The following IGDCC4 variants were observed in gnomAD, a reference collection of about 807,000 sequenced individuals.
The protein encoded by IGDCC4 is immunoglobulin superfamily DCC subclass member 4.
In IGDCC4, 72 loss-of-function variants were observed where a neutral mutation model predicts 116.6. The observed-to-expected ratio is 0.62, with a 90% CI of 0.51 to 0.75. The LOEUF is 0.75. Among genes scored for constraint, IGDCC4 ranks in the 30% least tolerant of loss-of-function variants. IGDCC4 has a pLI of 0.00. For missense variants in IGDCC4, 1,501 were observed against 1,662.4 expected, an observed-to-expected ratio of 0.90 and a Z score of 1.69; for synonymous variants, 709 against 719.9, an observed-to-expected ratio of 0.98 and a Z score of 0.24.
chr15:65,392,289 G>A lies in IGDCC4; in HGVS notation c.1967C>T (p.Thr656Ile), dbSNP rs772941722. ...VVSWQPPPHP[T>I]QISGYKLYWR... ...ATATAGTTTGTAGCCAGAGATCTGG[G>A]TGGGGTGAGGGGGTGGCTGCCATGA... The change falls in exon 11 of 20, where the codon ACC becomes ATC. Residue 656 changes from threonine (T) to isoleucine (I), a missense_variant. Coordinates refer to ENST00000352385, the MANE Select transcript of IGDCC4 (RefSeq NM_020962.3). The A allele has an allele frequency of 3.1e-6, 5 of 1,603,126 alleles. No homozygotes were observed. The highest frequency in any genetic ancestry group is 2.6e-6 in the Non-Finnish European group (3 of 1,172,956).
At chr15:65,386,401 C>A in intron 17 of IGDCC4, 150 bp downstream of exon 17, 1 of 728,934 alleles carries the variant, frequency 1.4e-6, no homozygotes, top group Non-Finnish European at 2.4e-6. Context: ...AGGAGGACAT[C>A]ATCCCTGATT....
In IGDCC4 at chr15:65,383,959, T is replaced by C. The variant is rs778812412; in HGVS notation, c.*50A>G. 2.6e-5 allele frequency: 38 copies of C among 1,477,466 alleles called. No individual in the cohort carries two copies. Among genetic ancestry groups the C allele is most frequent in the Non-Finnish European group, 3.4e-5 (37 of 1,100,610 alleles). The allele number at this position is 1,477,466 out of a possible 1,614,324, so 91.5% of individuals were successfully genotyped here. A position where few individuals can be genotyped will look rare whatever the true frequency, so the allele number is the denominator to read the frequency against. On this transcript the variant is annotated 3_prime_UTR_variant, in exon 20 of 20. Coordinates refer to ENST00000352385, the MANE Select transcript of IGDCC4 (RefSeq NM_020962.3). ...GACATACACGGCCACAGGTATCGCA[T>C]CCTATGTGATCCATACCTGCCTGCC...
chr15:65,398,821 C>T (rs542813347), intron 5 of IGDCC4, among the ~76,000 whole-genome samples: 5 of 152,170 alleles, frequency 3.3e-5, no homozygotes, highest in African/African-American at 9.6e-5. Context: ...AACCGGGAGG[C>T]GGAAGTTGCA....
rs1228687568 is a variant in IGDCC4 at position 65,384,867 on chromosome 15, A to C, written c.3342+87T>G. ...TCTATCCCCAGGAAAGTTACCACCC[A>C]GGGGTCTCCAGAGAACTCATTACTT... On this transcript the variant is annotated intron_variant, in intron 19 of 19. Coordinates refer to ENST00000352385, the MANE Select transcript of IGDCC4 (RefSeq NM_020962.3). This position sits in a 1 kb window ranked among gnomAD's most constrained non-coding sequence, Gnocchi z 4.9. The C allele has an allele frequency of 2.1e-5, 32 of 1,490,284 alleles. No individual in the cohort carries two copies. Among genetic ancestry groups the C allele is most frequent in the Admixed American group, 4.3e-5 (2 of 46,512 alleles). 92.3% of individuals were successfully genotyped at this position (1,490,284 alleles called of 1,614,324 possible). A position where few individuals can be genotyped will look rare whatever the true frequency, so the allele number is the denominator to read the frequency against.
chr15:65,421,817 G>T (rs922881104), intron 1 of IGDCC4, among the ~76,000 whole-genome samples: 5 of 151,684 alleles, frequency 3.3e-5, no homozygotes, highest in African/African-American at 4.8e-5. Flanking sequence ...CCCATGAGCC[G>T]CCCCCAAACG....
At chr15:65,386,201 A>G (rs2091456981) in intron 17 of IGDCC4, 142 bp from the exon 18 acceptor site, 2 of 627,706 alleles carry the variant, frequency 3.2e-6, no homozygotes, top group Non-Finnish European at 5.6e-6. Context: ...TGAGTAAGAA[A>G]AACTGCTATT....
chr15:65,410,902 G>C lies in IGDCC4; in HGVS notation c.421+118C>G, dbSNP rs988371523. The C allele has an allele frequency of 1.2e-5, 9 of 751,716 alleles. No individual in the cohort carries two copies. The African/African-American group carries it at 1.4e-4, about 12-fold the overall frequency. 46.6% of individuals were successfully genotyped at this position (751,716 alleles called of 1,614,324 possible). A position where few individuals can be genotyped will look rare whatever the true frequency, so the allele number is the denominator to read the frequency against. On this transcript the variant is annotated intron_variant, in intron 2 of 19. Coordinates refer to ENST00000352385, the MANE Select transcript of IGDCC4 (RefSeq NM_020962.3). The stretch of plus-strand genomic sequence containing the variant: ...CCTATTGAGCAGGATGGGAGGCAGG[G>C]AAAGGGGGAGTGGGATCAAGAGAGA...
In IGDCC4 at chr15:65,384,017, A is replaced by G; in HGVS notation, c.3745T>C (p.Ser1249Pro). ...PGLPRSPVSS[S>P]A Reference sequence around the variant, plus strand: ...ACATCCTCTGGGAAGAGCTAGGCAGAGGAGGAGACCGGGGATCTGGGCAGG... The same window carrying G: ...ACATCCTCTGGGAAGAGCTAGGCAGGGGAGGAGACCGGGGATCTGGGCAGG... Residue 1249 changes from serine (S) to proline (P), a missense_variant, in exon 20 of 20, where the codon TCT (serine) becomes CCT (proline). Transcript: ENST00000352385. This position sits in a 1 kb window ranked among gnomAD's most constrained non-coding sequence, Gnocchi z 4.9. 1 of 1,589,486 alleles carries G rather than the reference A, an allele frequency of 6.3e-7. No homozygotes were observed. Among genetic ancestry groups the G allele is most frequent in the South Asian group, 1.1e-5 (1 of 88,944 alleles).
intron 1 of IGDCC4, among the ~76,000 whole-genome samples, chr15:65,417,201 C>G (rs2063152730): frequency 6.6e-6 from 1 of 152,144 alleles, no homozygotes; most frequent in African/African-American, 2.4e-5. Context: ...TTCCAGAAAC[C>G]TTCCTTCCTG....
At chr15:65,401,873 C>T (rs1018410134) in intron 4 of IGDCC4, among the ~76,000 whole-genome samples, 5 of 152,184 alleles carry the variant, frequency 3.3e-5, no homozygotes, top group African/African-American at 1.2e-4. Flanking sequence ...GGGGCAAGAG[C>T]TTTTCAAAGA....
intron 1 of IGDCC4, among the ~76,000 whole-genome samples, chr15:65,419,837 AG>A (rs1398772768): frequency 6.6e-6 from 1 of 152,212 alleles, no homozygotes; most frequent in Non-Finnish European, 1.5e-5. Flanking sequence ...CTGTTCACAA[AG>A]GGGTCCCAGT....
Position 65,383,659 on chromosome 15 carries a change from G to C in IGDCC4, c.*350C>G, listed in dbSNP as rs1277939989. The C allele has an allele frequency of 9.7e-6, 2 of 206,540 alleles. No individual in the cohort carries two copies. Among genetic ancestry groups the C allele is most frequent in the Admixed American group, 1.2e-4 (2 of 17,244 alleles). 12.8% of individuals were successfully genotyped at this position (206,540 alleles called of 1,614,324 possible). The stretch of plus-strand genomic sequence containing the variant: ...GTGGGGGCCCACAGGGCTGGGGACT[G>C]ACCACTGTGGGGCACCGTTCTGACC... On this transcript the variant is annotated 3_prime_UTR_variant, in exon 20 of 20. Transcript: ENST00000352385.
chr15:65,389,462 G>A (rs2091492209), intron 13 of IGDCC4, 51 bp from the exon 14 acceptor site: 2 of 1,613,316 alleles, frequency 1.2e-6, no homozygotes, highest in East Asian at 2.2e-5. Context: ...TCTCCCAGCA[G>A]GGCAGACTCC....
chr15:65,398,856 C>A (rs1201942075), intron 5 of IGDCC4, among the ~76,000 whole-genome samples: 1 of 152,196 alleles, frequency 6.6e-6, no homozygotes, highest in Non-Finnish European at 1.5e-5. Context: ...CGCCACTGCA[C>A]TCCAGCCCGG....
chr15:65,401,096 A>G, intron 4 of IGDCC4, 150 bp from the exon 5 acceptor site: 4 of 1,007,576 alleles, frequency 4.0e-6, no homozygotes, highest in Non-Finnish European at 5.9e-6. Flanking sequence ...CATAAAATTC[A>G]GCAGGGCTGG....
chr15:65,396,215 T>C (rs1595782478), intron 6 of IGDCC4, 52 bp from the exon 7 acceptor site: 1 of 1,319,016 alleles, frequency 7.6e-7, no homozygotes, highest in Non-Finnish European at 9.7e-7. Flanking sequence ...CTAAGGTCTC[T>C]GCCCCCCCCC....
At chr15:65,391,554 A>C (rs1002398701) in intron 12 of IGDCC4, among the ~76,000 whole-genome samples, 11 of 152,224 alleles carry the variant, frequency 7.2e-5, no homozygotes, top group Non-Finnish European at 1.3e-4. Context: ...GTGTTTTTAA[A>C]AAAACTTGTT....
chr15:65,389,738 G>C (rs913355866), intron 13 of IGDCC4, among the ~76,000 whole-genome samples: 2 of 152,168 alleles, frequency 1.3e-5, no homozygotes, highest in African/African-American at 4.8e-5. Flanking sequence ...GTATATATCG[G>C]TTGCTTTTTA....
At chr15:65,410,141 C>T (rs2063075893) in intron 3 of IGDCC4, 37 bp downstream of exon 3, 4 of 1,609,388 alleles carry the variant, frequency 2.5e-6, no homozygotes, top group Non-Finnish European at 3.4e-6. Context: ...CCTCTCTGCC[C>T]TGCCTACCAG....
Sources: gnomAD v4.1 joint callset for allele counts (sites outside exome capture counted in the v4.1 genomes callset) on GRCh38, gnomAD v4.1.1 for gene constraint, Gnocchi (gnomAD v3.1) non-coding constraint, MANE v1.5 for transcripts, NCBI Gene and HGNC (gene_info 2026-07-23, HGNC 2026-07-21) for gene names.